Variants in MACROH2A2 observed in about 807,000 individuals in gnomAD.
The protein encoded by MACROH2A2 is core histone macro-H2A.2.
A neutral mutation model predicts 37.6 loss-of-function variants in MACROH2A2; 6 were observed. The ratio of observed to expected loss-of-function variants is 0.16; its 90% confidence interval spans 0.09 to 0.32. The LOEUF is 0.32. Ranked by LOEUF, MACROH2A2 falls within the 10% of genes least tolerant of loss-of-function variation. The pLI is 1.00. For synonymous variants in MACROH2A2, 192 were observed against 202.7 expected, an observed-to-expected ratio of 0.95 and a Z score of 0.45; for missense variants, 290 against 485.9, an observed-to-expected ratio of 0.60 and a Z score of 3.79.
At chr10:70,088,669 G>T (rs1225166350) in intron 2 of MACROH2A2, among the ~76,000 whole-genome samples, 1 of 152,236 alleles carries the variant, frequency 6.6e-6, no homozygotes, top group Non-Finnish European at 1.5e-5. Context: ...GGCTCTATGT[G>T]CTTTCCTACG....
intron 1 of MACROH2A2, among the ~76,000 whole-genome samples, chr10:70,056,186 C>G (rs781681627): frequency 5.3e-5 from 8 of 152,306 alleles, no homozygotes; most frequent in African/African-American, 1.9e-4. Flanking sequence ...TTAGCCATAT[C>G]ATTATTGATA....
chr10:70,083,089 AG>A (rs1304050032), intron 2 of MACROH2A2, among the ~76,000 whole-genome samples: 2 of 151,664 alleles, frequency 1.3e-5, no homozygotes, highest in African/African-American at 2.4e-5. Flanking sequence ...CCCCTGCAGG[AG>A]GGGGAGAGCT....
chr10:70,064,774 T>C (rs1390557586), intron 1 of MACROH2A2, among the ~76,000 whole-genome samples: 2 of 152,190 alleles, frequency 1.3e-5, no homozygotes, highest in African/African-American at 2.4e-5. Context: ...TCCCCAGCTA[T>C]GTGGAACTGT....
At chr10:70,063,607 T>C (rs1344012763) in intron 1 of MACROH2A2, among the ~76,000 whole-genome samples, 1 of 152,234 alleles carries the variant, frequency 6.6e-6, no homozygotes, top group African/African-American at 2.4e-5. Context: ...AGCATACTCA[T>C]TTCTAGGCTG....
intron 4 of MACROH2A2, among the ~76,000 whole-genome samples, chr10:70,092,822 A>G (rs2072253745): frequency 2.0e-5 from 3 of 152,128 alleles, no homozygotes; most frequent in Admixed American, 2.0e-4. Context: ...CCTTCCAAAC[A>G]GCCTCTAGTC....
chr10:70,078,232 A>G (rs1348193101), intron 2 of MACROH2A2, among the ~76,000 whole-genome samples: 3 of 152,246 alleles, frequency 2.0e-5, no homozygotes, highest in African/African-American at 4.8e-5. Context: ...CAGCACACAC[A>G]GTAAGTCCTT....
At chr10:70,071,809 T>C (rs929788907) in intron 1 of MACROH2A2, among the ~76,000 whole-genome samples, 13 of 152,302 alleles carry the variant, frequency 8.5e-5, no homozygotes, top group African/African-American at 3.1e-4. Context: ...GTATAAAATG[T>C]AAACAGCAGT....
chr10:70,097,200 G>A (rs963033569), intron 6 of MACROH2A2, among the ~76,000 whole-genome samples: 8 of 152,122 alleles, frequency 5.3e-5, no homozygotes, highest in African/African-American at 1.9e-4. Flanking sequence ...GTGGTTAAGA[G>A]GGCAGGTTCC....
rs1230790770 is a variant in MACROH2A2, at chr10:70,053,465, C to T, written c.-60+465C>T. On this transcript the variant is annotated intron_variant, in intron 1 of 8. Coordinates refer to ENST00000373255, the MANE Select transcript of MACROH2A2 (RefSeq NM_018649.3). The surrounding 1 kb of genome is among the most constrained non-coding windows in gnomAD (Gnocchi z 4.8). The stretch of plus-strand genomic sequence containing the variant: ...GGGCCCGAGGGAGCCCGGGGAGGGC[C>T]GCTCGGGGGCCTCTGAAGGTGCCCG... Among the ~76,000 whole-genome samples the T allele has an allele frequency of 6.6e-6, 1 of 151,856 alleles. No homozygotes were observed. Among genetic ancestry groups the T allele is most frequent in the African/African-American group, 2.4e-5 (1 of 41,346 alleles).
chr10:70,095,934 T>A (rs967277240), intron 6 of MACROH2A2, among the ~76,000 whole-genome samples, 181 bp downstream of exon 6: 5 of 152,234 alleles, frequency 3.3e-5, no homozygotes, highest in African/African-American at 1.2e-4. Flanking sequence ...ATTCTGCATA[T>A]ATTTTTGAAA....
At position 70,079,565 on chromosome 10, in the gene MACROH2A2, GCACACACA is replaced by G. The variant is rs56247035; in HGVS notation, c.172+3769_172+3776del. Among the ~76,000 whole-genome samples the G allele has an allele frequency of 1.3e-3, 159 of 126,260 alleles. No individual in the cohort carries two copies. In the South Asian group the frequency reaches 0.016, roughly 12 times the overall value. The allele number at this position is 126,260 out of a possible 152,430, so 82.8% of individuals were successfully genotyped here. ...ACGTTGAGGGTTCGCGCGCGCGCGC[GCACACACA>G]CACACACACACACACACACACACAC... On this transcript the variant is annotated intron_variant, in intron 2 of 8. Coordinates refer to ENST00000373255, the MANE Select transcript of MACROH2A2 (RefSeq NM_018649.3).
At chr10:70,055,812 G>C (rs920716199) in intron 1 of MACROH2A2, among the ~76,000 whole-genome samples, 1 of 152,126 alleles carries the variant, frequency 6.6e-6, no homozygotes, top group African/African-American at 2.4e-5. Context: ...GCAGGCATCC[G>C]TGAGCTCAGC....
At chr10:70,087,233 CTTCT>C (rs1482007229) in intron 2 of MACROH2A2, among the ~76,000 whole-genome samples, 1 of 146,056 alleles carries the variant, frequency 6.8e-6, no homozygotes, top group Non-Finnish European at 1.5e-5. Flanking sequence ...TCTTTTCTTT[CTTCT>C]TTTTTTTTTT....
In MACROH2A2 at chr10:70,109,061, A is replaced by G. The variant is rs2072354493; in HGVS notation, c.807A>G (p.Ala269=). 6.2e-7 allele frequency: 1 copy of G among 1,614,210 alleles called. No homozygotes were observed. The highest frequency in any genetic ancestry group is 8.5e-7 in the Non-Finnish European group (1 of 1,180,032). Residue 269 remains alanine (A), a synonymous_variant, in exon 8 of 9, where the codon GCA becomes GCG. Transcript: ENST00000373255. ...CCGTCAGCCAATCCAGTGGACTCGC[A>G]GCCAAATTTGTCATCCACTGTCACA... is the stretch of plus-strand genomic sequence containing the variant. ...EAAVSQSSGL[A]AKFVIHCHIP... is the part of the protein sequence containing the mutation.
intron 2 of MACROH2A2, among the ~76,000 whole-genome samples, chr10:70,085,814 G>T (rs1170216499): frequency 6.6e-6 from 1 of 152,142 alleles, no homozygotes; most frequent in Non-Finnish European, 1.5e-5. Context: ...TAAATTTAGT[G>T]CTGTATAAAT....
At chr10:70,056,636 A>G (rs369665258) in intron 1 of MACROH2A2, among the ~76,000 whole-genome samples, 8 of 152,332 alleles carry the variant, frequency 5.3e-5, no homozygotes, top group African/African-American at 1.9e-4. Flanking sequence ...GCTAGGCTTC[A>G]TAGAGAACGT....
intron 2 of MACROH2A2, among the ~76,000 whole-genome samples, chr10:70,085,336 A>G (rs1054476651): frequency 6.6e-6 from 1 of 152,216 alleles, no homozygotes; most frequent in Non-Finnish European, 1.5e-5. Context: ...TCAGTAGTAC[A>G]GACGGGTGGG....
rs76382064 is a variant in MACROH2A2 at position 70,092,104 on chromosome 10, G to A, written c.477+150G>A. On this transcript the variant is annotated intron_variant, in intron 4 of 8. Transcript: ENST00000373255. ...TGAGAGATAACTAGATCATGAGGGC[G>A]AGTCCTCACGAATGGGAACAGTCCC... is the stretch of plus-strand genomic sequence containing the variant. The A allele has an allele frequency of 2.5e-3, 1,621 of 656,964 alleles. 2 individuals carry two copies. The highest frequency in any genetic ancestry group is 3.3e-3 in the Non-Finnish European group (1,269 of 380,798). The allele number at this position is 656,964 out of a possible 1,614,324, so 40.7% of individuals were successfully genotyped here. A position where few individuals can be genotyped will look rare whatever the true frequency, so the allele number is the denominator to read the frequency against.
intron 6 of MACROH2A2, chr10:70,099,374 T>C (rs2072293643): frequency 6.6e-6 from 1 of 152,100 alleles, no homozygotes; most frequent in Admixed American, 6.5e-5. Context: ...TGAACCATAA[T>C]AATAATGATG....
Sources: gnomAD v4.1 joint callset for allele counts (sites outside exome capture counted in the v4.1 genomes callset) on GRCh38, gnomAD v4.1.1 for gene constraint, Gnocchi (gnomAD v3.1) non-coding constraint, MANE v1.5 for transcripts, NCBI Gene and HGNC (gene_info 2026-07-23, HGNC 2026-07-21) for gene names.